BLTP1: variants seen among roughly 807,000 people sequenced by gnomAD.
BLTP1 encodes the protein bridge-like lipid transfer protein family member 1.
the BLTP1 span, chr4:122,227,075 A>C: frequency 1.8e-6 from 1 of 546,172 alleles, no homozygotes; most frequent in Non-Finnish European, 2.6e-6. Context: ...TATTTTGCTT[A>C]CATTTTTACT....
the BLTP1 span, among the ~76,000 whole-genome samples, chr4:122,300,590 G>A: frequency 3.9e-5 from 6 of 151,988 alleles, no homozygotes; most frequent in Admixed American, 6.6e-5. Context: ...TAACTAAATA[G>A]ATTTTTGACC....
At chr4:122,165,210 G>A in the BLTP1 span, among the ~76,000 whole-genome samples, 1 of 151,800 alleles carries the variant, frequency 6.6e-6, no homozygotes, top group African/African-American at 2.4e-5. Context: ...TCCTAATGCT[G>A]TCCCTCCCCT....
the BLTP1 span, chr4:122,331,787 A>G: frequency 8.2e-6 from 8 of 971,786 alleles, no homozygotes; most frequent in Non-Finnish European, 9.8e-6. Context: ...TAAAATAGTT[A>G]TATCTTTGGA....
the BLTP1 span, chr4:122,345,971 A>G: frequency 3.1e-6 from 3 of 971,238 alleles, no homozygotes; most frequent in Non-Finnish European, 3.7e-6. Flanking sequence ...TTAGAAAATA[A>G]AGAAGGAAAT....
the BLTP1 span, among the ~76,000 whole-genome samples, chr4:122,290,559 G>A: frequency 0.04 from 6,067 of 151,582 alleles, 410 homozygotes; most frequent in African/African-American, 0.14. Flanking sequence ...AGGCCGAGGC[G>A]GGTGGATCAT....
At chr4:122,334,249 G>C in the BLTP1 span, 1 of 1,163,520 alleles carries the variant, frequency 8.6e-7, no homozygotes, top group Non-Finnish European at 1.2e-6. Context: ...ACAGTCTTCT[G>C]ACTTCCAATG....
At chr4:122,184,186 G>A in the BLTP1 span, among the ~76,000 whole-genome samples, 1 of 152,098 alleles carries the variant, frequency 6.6e-6, no homozygotes. Flanking sequence ...CAGAAATATT[G>A]GGCCTGCTCA....
At chr4:122,256,060 GAAAAGC>G in the BLTP1 span, 1 of 983,502 alleles carries the variant, frequency 1.0e-6, no homozygotes. Flanking sequence ...TCTGCCTCTG[GAAAAGC>G]AGATAACATC....
chr4:122,228,302 G>C, the BLTP1 span, among the ~76,000 whole-genome samples: 1 of 152,150 alleles, frequency 6.6e-6, no homozygotes, highest in African/African-American at 2.4e-5. Flanking sequence ...TTTGAGTTTT[G>C]ACAAATGCTG....
the BLTP1 span, chr4:122,193,757 A>T: frequency 1.7e-6 from 1 of 574,904 alleles, no homozygotes; most frequent in Non-Finnish European, 2.2e-6. Flanking sequence ...CCATTGATAG[A>T]TTAGTGAAAG....
the BLTP1 span, chr4:122,305,948 C>T: frequency 6.2e-7 from 1 of 1,611,138 alleles, no homozygotes; most frequent in Non-Finnish European, 8.5e-7. Context: ...TAAGAAATGC[C>T]CTCCGAGAAG....
chr4:122,362,316 A>G, the BLTP1 span: 1 of 1,204,746 alleles, frequency 8.3e-7, no homozygotes, highest in Admixed American at 2.3e-5. Context: ...TTTTTTTAGT[A>G]TAATAATTTG....
chr4:122,264,762 C>CTCA, the BLTP1 span, among the ~76,000 whole-genome samples: 1 of 152,044 alleles, frequency 6.6e-6, no homozygotes, highest in Non-Finnish European at 1.5e-5. Flanking sequence ...AGTGGGGAAG[C>CTCA]ATTGATGATT....
At chr4:122,244,254 A>G in the BLTP1 span, among the ~76,000 whole-genome samples, 1 of 152,134 alleles carries the variant, frequency 6.6e-6, no homozygotes, top group East Asian at 1.9e-4. Context: ...CAGCCTAAAT[A>G]ATTGGAGTTG....
the BLTP1 span, chr4:122,349,828 TC>T: frequency 5.0e-6 from 8 of 1,608,424 alleles, no homozygotes; most frequent in Non-Finnish European, 6.8e-6. This position sits in a 1 kb window ranked among gnomAD's most constrained non-coding sequence, Gnocchi z 4.5. Flanking sequence ...CTGTAAGACA[TC>T]TGACAAAGAT....
the BLTP1 span, chr4:122,189,894 T>G: frequency 1.4e-6 from 2 of 1,454,724 alleles, no homozygotes; most frequent in Non-Finnish European, 1.8e-6. Flanking sequence ...TGCTTGTTAG[T>G]TTTTTTTTCC....
the BLTP1 span, among the ~76,000 whole-genome samples, chr4:122,334,753 T>C: frequency 3.3e-5 from 5 of 152,076 alleles, no homozygotes; most frequent in African/African-American, 1.2e-4. Flanking sequence ...ATATCTGTTA[T>C]AAAATAAATA....
chr4:122,313,214 T>TA, the BLTP1 span, among the ~76,000 whole-genome samples: 1 of 152,152 alleles, frequency 6.6e-6, no homozygotes, highest in Non-Finnish European at 1.5e-5. Context: ...TGGCAGCTCT[T>TA]AGTTACCAAA....
chr4:122,189,489 G>C, the BLTP1 span: 3 of 915,560 alleles, frequency 3.3e-6, no homozygotes, highest in Non-Finnish European at 3.9e-6. Context: ...AGATAAAAAT[G>C]ATAACTTTTT....
Sources: gnomAD v4.1 joint callset for allele counts (sites outside exome capture counted in the v4.1 genomes callset) on GRCh38, gnomAD v4.1.1 for gene constraint, Gnocchi (gnomAD v3.1) non-coding constraint, MANE v1.5 for transcripts, NCBI Gene and HGNC (gene_info 2026-07-23, HGNC 2026-07-21) for gene names.